The following CDH17 variants were observed in gnomAD, a reference collection of about 807,000 sequenced individuals.
CDH17 encodes cadherin-17.
A neutral mutation model predicts 86.3 loss-of-function variants in CDH17; 67 were observed. The ratio of observed to expected loss-of-function variants is 0.78; its 90% CI spans 0.64 to 0.95. The LOEUF is 0.95. Ranked by LOEUF, CDH17 falls within the 40% of genes least tolerant of loss-of-function variation. The probability of loss-of-function intolerance (pLI) is 0.00; values close to 1 mark genes in which losing one functional copy is unlikely to be tolerated. For missense variants in CDH17, 993 were observed against 1,017.6 expected (o/e 0.98, Z 0.33); for synonymous variants, 367 against 366.4 (o/e 1.00, Z -0.02).
intron 12 of CDH17, 101 bp from the exon 13 acceptor site, chr8:94,152,213 A>G (rs1812869980): frequency 7.7e-7 from 1 of 1,292,620 alleles, no homozygotes; most frequent in South Asian, 1.4e-5. Flanking sequence ...GATATATAAT[A>G]TTGGAAAAAC....
At chr8:94,171,922 G>A (rs1298234368) in intron 7 of CDH17, among the ~76,000 whole-genome samples, 1 of 151,404 alleles carries the variant, frequency 6.6e-6, no homozygotes, top group Non-Finnish European at 1.5e-5. Context: ...TCTAAAGTGG[G>A]CTCCTCTTGT....
intron 1 of CDH17, among the ~76,000 whole-genome samples, chr8:94,199,069 ATATATATATATATATTT>A (rs1447862909): frequency 0.24 from 6,798 of 28,738 alleles, 349 homozygotes; most frequent in Non-Finnish European, 0.33. Flanking sequence ...ATATATATAT[ATATATATATATATATTT>A]TTTTTTTTTT....
At chr8:94,136,017 A>G (rs1812516632) in intron 15 of CDH17, among the ~76,000 whole-genome samples, 1 of 152,188 alleles carries the variant, frequency 6.6e-6, no homozygotes, top group African/African-American at 2.4e-5. Context: ...TTCTGTAGAG[A>G]GATCCACTGT....
At chr8:94,215,611 G>A (rs1450030048) in intron 1 of CDH17, among the ~76,000 whole-genome samples, 1 of 152,132 alleles carries the variant, frequency 6.6e-6, no homozygotes, top group Non-Finnish European at 1.5e-5. Flanking sequence ...AAAAACTACT[G>A]AATTGTGCAC....
At chr8:94,198,111 G>A (rs1315903860) in intron 1 of CDH17, among the ~76,000 whole-genome samples, 5 of 152,078 alleles carry the variant, frequency 3.3e-5, no homozygotes, top group South Asian at 2.1e-4. Context: ...AGCATGGACA[G>A]AGATAGAGCT....
At chr8:94,146,587 T>C (rs972657311) in intron 14 of CDH17, among the ~76,000 whole-genome samples, 4 of 152,220 alleles carry the variant, frequency 2.6e-5, no homozygotes, top group Non-Finnish European at 5.9e-5. Context: ...GAGTGAATGT[T>C]CTGGAAAATA....
At chr8:94,206,008 T>A (rs1280309058) in intron 1 of CDH17, among the ~76,000 whole-genome samples, 3 of 152,222 alleles carry the variant, frequency 2.0e-5, no homozygotes, top group African/African-American at 7.2e-5. Context: ...AGTCCTAATA[T>A]TTTTAAGTAA....
chr8:94,210,147 C>T (rs1814098079), upstream of CDH17, among the ~76,000 whole-genome samples: 1 of 144,550 alleles, frequency 6.9e-6, no homozygotes, highest in Non-Finnish European at 1.5e-5. Flanking sequence ...GGACTGCAAC[C>T]CTGTTCTGAT....
chr8:94,148,829 G>A lies in CDH17; in HGVS notation c.1842C>T (p.His614=), dbSNP rs531986769. Residue 614 remains histidine, a synonymous_variant, in exon 14 of 18, where the codon CAC becomes CAT. Coordinates refer to ENST00000027335, the MANE Select transcript of CDH17 (RefSeq NM_004063.4). ...GDTRGWLKID[H]VTGEIFSVAP... ...CCACACTAAAGATCTCACCAGTCAC[G>A]TGGTCAATTTTAAGCCAACCTCTTG... The A allele has an allele frequency of 3.8e-5, 61 of 1,608,110 alleles. No homozygotes were observed. Among genetic ancestry groups the A allele is most frequent in the Admixed American group, 2.4e-4 (14 of 59,306 alleles).
chr8:94,128,250 A>G lies in CDH17; in HGVS notation c.2489T>C (p.Leu830Pro). 1 of 1,608,896 alleles carries G rather than the reference A, an allele frequency of 6.2e-7. No individual in the cohort carries two copies. The highest frequency in any genetic ancestry group is 8.5e-7 in the Non-Finnish European group (1 of 1,175,524). The change falls in exon 18 of 18, where the codon CTG becomes CCG. Residue 830 changes from leucine (L) to proline (P), a missense_variant. Physicochemically the swap from Leu to Pro is moderately conservative, Grantham distance 98. Coordinates refer to ENST00000027335, the MANE Select transcript of CDH17 (RefSeq NM_004063.4). ...ESAQASEVKPLRS is the reference protein window; with the variant it reads ...ESAQASEVKPPRS ...CATTCCTTTTCAAATTCAGCTTCTC[A>G]GAGGTTTGACTTCAGATGCTTGAGC...
intron 15 of CDH17, among the ~76,000 whole-genome samples, chr8:94,145,148 TC>T (rs1812716070): frequency 1.3e-5 from 2 of 152,226 alleles, no homozygotes; most frequent in African/African-American, 4.8e-5. Context: ...ATTCCACTCC[TC>T]AGTATTTAAC....
At chr8:94,197,824 C>G (rs959435047) in intron 1 of CDH17, among the ~76,000 whole-genome samples, 26 of 124,796 alleles carry the variant, frequency 2.1e-4, no homozygotes, top group African/African-American at 3.6e-4. Flanking sequence ...GAACGAGACT[C>G]TGTCTAAAAA....
At position 94,181,853 on chromosome 8, in the gene CDH17, ATTAT is replaced by A. The variant is rs972962918; in HGVS notation, c.151-4136_151-4133del. 9.2e-5 allele frequency among the ~76,000 whole-genome samples: 14 copies of A among 152,096 alleles called. 1 individual carries two copies. The highest frequency in any genetic ancestry group is 1.5e-5 in the Non-Finnish European group (1 of 67,986). Reference sequence around the variant, plus strand: ...AGAAAAGTCAACAAAACCAGAGTTGATTATTTGAAAAGATCCACAAAAGTGACAA... The same window carrying A: ...AGAAAAGTCAACAAAACCAGAGTTGATTGAAAAGATCCACAAAAGTGACAA... On this transcript the variant is annotated intron_variant, in intron 3 of 17. Coordinates refer to ENST00000027335, the MANE Select transcript of CDH17 (RefSeq NM_004063.4).
At chr8:94,151,786 G>T in intron 13 of CDH17, 82 bp downstream of exon 13, 1 of 1,559,122 alleles carries the variant, frequency 6.4e-7, no homozygotes, top group Non-Finnish European at 8.8e-7. Context: ...CAGCCCTGGA[G>T]TCAGTGCAGG....
intron 9 of CDH17, among the ~76,000 whole-genome samples, chr8:94,168,900 G>A (rs1004818857): frequency 1.3e-5 from 2 of 152,112 alleles, no homozygotes; most frequent in Non-Finnish European, 2.9e-5. Flanking sequence ...GTCATAGAAA[G>A]ACTGATGCCT....
At chr8:94,145,907 C>A in intron 15 of CDH17, 21 bp downstream of exon 15, 1 of 1,595,170 alleles carries the variant, frequency 6.3e-7, no homozygotes, top group South Asian at 1.1e-5. Context: ...TGTTTTTTTC[C>A]ATGTATTTCT....
intron 1 of CDH17, among the ~76,000 whole-genome samples, chr8:94,199,038 GATATATATATATATATATAT>G (rs869128612): frequency 0.011 from 823 of 73,374 alleles, 35 homozygotes; most frequent in African/African-American, 0.049. Context: ...AGTTCTGATT[GATATATATATATATATATAT>G]ATATATATAT....
intron 8 of CDH17, 112 bp downstream of exon 8, chr8:94,170,742 A>C: frequency 7.2e-7 from 1 of 1,380,918 alleles, no homozygotes; most frequent in Non-Finnish European, 9.9e-7. Context: ...AATATGCTGG[A>C]GTCTGAAATG....
chr8:94,167,518 G>C (rs987423856), intron 9 of CDH17, among the ~76,000 whole-genome samples: 4 of 152,192 alleles, frequency 2.6e-5, no homozygotes, highest in African/African-American at 9.7e-5. Flanking sequence ...ATGCAGATGT[G>C]CCTCATGGGC....
Sources: gnomAD v4.1 joint callset for allele counts (sites outside exome capture counted in the v4.1 genomes callset) on GRCh38, gnomAD v4.1.1 for gene constraint, MANE v1.5 for transcripts, NCBI Gene and HGNC (gene_info 2026-07-23, HGNC 2026-07-21) for gene names.